PHF14: variants seen among roughly 807,000 people sequenced by gnomAD.
PHF14 encodes the protein PHD finger protein 14.
In PHF14, 55 loss-of-function variants were observed where a neutral mutation model predicts 117.9. That is an observed-to-expected ratio of 0.47 (90% CI 0.38 to 0.58). The LOEUF is 0.58. PHF14 is among the 20% of genes least tolerant of loss of function. PHF14 has a pLI of 0.00. For missense variants in PHF14, 978 were observed against 1,122.2 expected, an observed-to-expected ratio of 0.87 and a Z score of 1.84; for synonymous variants, 409 against 368.6, an observed-to-expected ratio of 1.11 and a Z score of -1.26.
intron 16 of PHF14, among the ~76,000 whole-genome samples, chr7:11,075,928 G>C (rs1009376507): frequency 6.6e-6 from 1 of 151,968 alleles, no homozygotes; most frequent in African/African-American, 2.4e-5. Flanking sequence ...TCAGGAGATC[G>C]AGAGCATCCT....
intron 16 of PHF14, among the ~76,000 whole-genome samples, chr7:11,069,802 C>T (rs1197524719): frequency 6.6e-6 from 1 of 151,378 alleles, no homozygotes; most frequent in South Asian, 2.1e-4. Flanking sequence ...GAATTACCAC[C>T]GTGGCTTGGT....
intron 17 of PHF14, among the ~76,000 whole-genome samples, chr7:11,149,560 G>C (rs1465068836): frequency 6.6e-6 from 1 of 152,106 alleles, no homozygotes; most frequent in African/African-American, 2.4e-5. Flanking sequence ...CTTGGCATCT[G>C]ATTTATCTTT....
chr7:10,986,624 T>C (rs889774921), intron 3 of PHF14, among the ~76,000 whole-genome samples: 6 of 152,206 alleles, frequency 3.9e-5, no homozygotes, highest in African/African-American at 1.4e-4. Context: ...TATGGCATTT[T>C]TTAAATTTAG....
chr7:11,049,584 A>G (rs1012286753), intron 13 of PHF14, among the ~76,000 whole-genome samples: 1 of 152,206 alleles, frequency 6.6e-6, no homozygotes, highest in African/African-American at 2.4e-5. Context: ...TTAATGCTGA[A>G]AAGTGAAGCA....
chr7:11,035,562 A>G (rs1583395508), intron 7 of PHF14, 78 bp from the exon 8 acceptor site: 4 of 806,088 alleles, frequency 5.0e-6, no homozygotes, highest in Non-Finnish European at 5.4e-6. Context: ...AAAAGGAAGT[A>G]ATATTCTTTT....
chr7:11,083,665 C>A (rs948657660), intron 16 of PHF14, among the ~76,000 whole-genome samples: 3 of 151,712 alleles, frequency 2.0e-5, no homozygotes, highest in African/African-American at 7.3e-5. Context: ...GTTTCACCAT[C>A]TTGGCCAGGC....
intron 4 of PHF14, among the ~76,000 whole-genome samples, chr7:11,010,241 G>A (rs1346289667): frequency 6.6e-6 from 1 of 151,908 alleles, no homozygotes; most frequent in African/African-American, 2.4e-5. Flanking sequence ...TGAATATAAT[G>A]TTTTGTTCTT....
intron 5 of PHF14, among the ~76,000 whole-genome samples, chr7:11,016,224 C>G (rs1783529161): frequency 6.6e-6 from 1 of 152,004 alleles, no homozygotes; most frequent in Admixed American, 6.6e-5. Context: ...GTAGGCTGTA[C>G]TGGAAATTAT....
chr7:11,070,030 A>G (rs1785561375), intron 16 of PHF14, among the ~76,000 whole-genome samples: 1 of 152,074 alleles, frequency 6.6e-6, no homozygotes, highest in Non-Finnish European at 1.5e-5. Flanking sequence ...TAGAGTTTTC[A>G]TTGTGGAAAT....
At chr7:11,123,393 G>A (rs1429203160) in intron 17 of PHF14, among the ~76,000 whole-genome samples, 1 of 152,106 alleles carries the variant, frequency 6.6e-6, no homozygotes, top group Non-Finnish European at 1.5e-5. Flanking sequence ...GTAGGCGAAT[G>A]TATATTAATT....
intron 14 of PHF14, among the ~76,000 whole-genome samples, chr7:11,055,082 T>C (rs944507180): frequency 6.6e-6 from 1 of 152,110 alleles, no homozygotes; most frequent in Non-Finnish European, 1.5e-5. Flanking sequence ...AGTGAAACTA[T>C]AGAATTATTG....
At chr7:11,106,331 G>T (rs934073658) in intron 16 of PHF14, 9 of 979,734 alleles carry the variant, frequency 9.2e-6, no homozygotes, top group African/African-American at 3.5e-5. Flanking sequence ...GGCTGATACA[G>T]AAGTCTGTAG....
chr7:11,132,302 A>AT (rs58675172), intron 17 of PHF14, among the ~76,000 whole-genome samples: 184 of 142,630 alleles, frequency 1.3e-3, no homozygotes, highest in South Asian at 5.3e-3. Context: ...TATAATTGAG[A>AT]TTTTTTTTTT....
At chr7:11,120,504 G>C (rs1159199642) in intron 17 of PHF14, among the ~76,000 whole-genome samples, 7 of 152,118 alleles carry the variant, frequency 4.6e-5, no homozygotes, top group Non-Finnish European at 5.9e-5. Flanking sequence ...ACACTAAACA[G>C]GGGAAGGTCA....
intron 17 of PHF14, among the ~76,000 whole-genome samples, chr7:11,128,525 T>C (rs1402120132): frequency 6.6e-6 from 1 of 151,984 alleles, no homozygotes; most frequent in Non-Finnish European, 1.5e-5. Context: ...CCAGTCACTC[T>C]TTGGGAAAGA....
chr7:10,981,663 G>A (rs28454278), intron 2 of PHF14, among the ~76,000 whole-genome samples: 1,661 of 152,234 alleles, frequency 0.011, 32 homozygotes, highest in African/African-American at 0.038. Flanking sequence ...TAGTTACTGC[G>A]TAGAAGTTTT....
intron 4 of PHF14, among the ~76,000 whole-genome samples, chr7:10,993,950 A>G (rs1476353162): frequency 6.6e-6 from 1 of 151,170 alleles, no homozygotes; most frequent in Non-Finnish European, 1.5e-5. Context: ...TGGAGGCTGC[A>G]GTGAGCCAAG....
intron 17 of PHF14, among the ~76,000 whole-genome samples, chr7:11,117,136 C>T (rs547632534): frequency 6.6e-6 from 1 of 152,036 alleles, no homozygotes. Context: ...TATTCACAGA[C>T]GCCACTGAGG....
At position 11,127,237 on chromosome 7, in the gene PHF14, G is replaced by T. The variant is rs536447275; in HGVS notation, c.2772+15770G>T. On this transcript the variant is annotated intron_variant, in intron 17 of 17. Coordinates refer to ENST00000634607, the MANE Select transcript of PHF14 (RefSeq NM_001007157.2). ...TGGGGCATTCTAGATTTTGATTCTT[G>T]CCCCTCCTTTTTTTTTTTTGACTCA... Among the ~76,000 whole-genome samples the T allele has an allele frequency of 7.6e-5, 10 of 132,442 alleles. No homozygotes were observed. In the South Asian group the frequency reaches 2.5e-3, roughly 33 times the overall value. The allele number at this position is 132,442 out of a possible 152,430, so 86.9% of individuals were successfully genotyped here.
Sources: allele counts gnomAD v4.1 joint callset (sites outside exome capture counted in the v4.1 genomes callset), GRCh38; gene constraint gnomAD v4.1.1; transcripts MANE v1.5; gene names NCBI Gene and HGNC (gene_info 2026-07-23, HGNC 2026-07-21).